The following CHRM3 variants were observed in gnomAD, a reference collection of about 807,000 sequenced individuals.
The protein encoded by CHRM3 is muscarinic acetylcholine receptor M3.
In CHRM3, 11 loss-of-function variants were observed where a neutral mutation model predicts 41.8. The ratio of observed to expected loss-of-function variants is 0.26; its 90% CI spans 0.17 to 0.44. The LOEUF (loss-of-function observed/expected upper bound fraction) is 0.44. CHRM3 is among the 20% of genes least tolerant of loss of function. CHRM3 has a pLI of 1.00. For synonymous variants in CHRM3, 297 were observed against 301.4 expected (o/e 0.99, Z 0.15); for missense variants, 571 against 745.4 (o/e 0.77, Z 2.72).
At chr1:239,861,513 T>C (rs1033868109) in intron 6 of CHRM3, among the ~76,000 whole-genome samples, 1 of 152,086 alleles carries the variant, frequency 6.6e-6, no homozygotes, top group African/African-American at 2.4e-5. Context: ...GCAAGAATGG[T>C]GCAGAGAAAG....
At chr1:239,876,379 C>T (rs372335174) in intron 6 of CHRM3, among the ~76,000 whole-genome samples, 8 of 152,060 alleles carry the variant, frequency 5.3e-5, no homozygotes, top group East Asian at 1.9e-4. Flanking sequence ...AGCAAAAGGG[C>T]GGATTGGTGA....
At chr1:239,747,239 AT>A in intron 5 of CHRM3, among the ~76,000 whole-genome samples, 1 of 152,348 alleles carries the variant, frequency 6.6e-6, no homozygotes, top group Non-Finnish European at 1.5e-5. Flanking sequence ...AATAAATATG[AT>A]TCATTACATA....
rs779365912 is a variant in CHRM3, at chr1:239,908,408, C to T, written c.957C>T (p.Ser319=). 6.2e-7 allele frequency: 1 copy of T among 1,614,070 alleles called. No homozygotes were observed. Among genetic ancestry groups the T allele is most frequent in the Non-Finnish European group, 8.5e-7 (1 of 1,180,042 alleles). ...GCCACTTCTGGTTCACAACCAAGAG[C>T]TGGAAACCCAGCTCCGAGCAGATGG... The part of the protein sequence containing the change: ...GRCHFWFTTK[S]WKPSSEQMDQ... Residue 319 remains serine (S), a synonymous_variant, in exon 7 of 7, where the codon AGC becomes AGT. Coordinates refer to ENST00000676153, the MANE Select transcript of CHRM3 (RefSeq NM_001375978.1). The surrounding 1 kb of genome is among the most constrained non-coding windows in gnomAD (Gnocchi z 7.2).
At chr1:239,864,546 G>GCACACACA (rs775904989) in intron 6 of CHRM3, among the ~76,000 whole-genome samples, 2 of 85,854 alleles carry the variant, frequency 2.3e-5, no homozygotes, top group East Asian at 7.0e-4. Context: ...ACACACACAC[G>GCACACACA]CACACACACA....
At chr1:239,796,445 A>T (rs1248770748) in intron 5 of CHRM3, among the ~76,000 whole-genome samples, 2 of 152,216 alleles carry the variant, frequency 1.3e-5, no homozygotes, top group Non-Finnish European at 2.9e-5. Context: ...GCCAACTATC[A>T]TTGGCATCGT....
At chr1:239,441,334 T>C (rs1663698568) in intron 1 of CHRM3, among the ~76,000 whole-genome samples, 1 of 152,228 alleles carries the variant, frequency 6.6e-6, no homozygotes, top group African/African-American at 2.4e-5. Flanking sequence ...TTCTGTGCCA[T>C]TCTAAGTAAG....
chr1:239,595,833 T>A (rs752141585), intron 3 of CHRM3, among the ~76,000 whole-genome samples: 6 of 152,214 alleles, frequency 3.9e-5, no homozygotes, highest in African/African-American at 7.2e-5. Context: ...TCCATTTTTT[T>A]ATTTTAGTAT....
chr1:239,457,752 A>G (rs1451514356), intron 1 of CHRM3, among the ~76,000 whole-genome samples: 3 of 152,212 alleles, frequency 2.0e-5, no homozygotes, highest in African/African-American at 4.8e-5. Flanking sequence ...GAAGTGATAC[A>G]TTTGTTACTT....
intron 2 of CHRM3, among the ~76,000 whole-genome samples, chr1:239,499,108 T>C (rs542637080): frequency 1.6e-4 from 25 of 152,262 alleles, no homozygotes; most frequent in South Asian, 4.1e-4. Flanking sequence ...AAGGTAGAAG[T>C]GCGTATTGGT....
At chr1:239,400,419 T>C (rs936953525) in intron 1 of CHRM3, among the ~76,000 whole-genome samples, 9 of 152,220 alleles carry the variant, frequency 5.9e-5, no homozygotes, top group African/African-American at 2.2e-4. Flanking sequence ...TTCACTTTGT[T>C]TATTTTTTCC....
intron 3 of CHRM3, among the ~76,000 whole-genome samples, chr1:239,559,629 A>T (rs1425094157): frequency 6.6e-6 from 1 of 152,180 alleles, no homozygotes; most frequent in Non-Finnish European, 1.5e-5. Flanking sequence ...CAAAACTAAG[A>T]CATTATTGTT....
intron 4 of CHRM3, among the ~76,000 whole-genome samples, chr1:239,669,543 T>C (rs1418562856): frequency 6.6e-6 from 1 of 152,134 alleles, no homozygotes; most frequent in Non-Finnish European, 1.5e-5. Context: ...TTTCCTCAAA[T>C]TTTTCAGGTC....
At chr1:239,726,128 CAAT>C (rs1379633455) in intron 5 of CHRM3, among the ~76,000 whole-genome samples, 1 of 151,926 alleles carries the variant, frequency 6.6e-6, no homozygotes, top group Non-Finnish European at 1.5e-5. Flanking sequence ...GTAATTCCAA[CAAT>C]GCCTTTGGAA....
intron 5 of CHRM3, among the ~76,000 whole-genome samples, chr1:239,768,651 G>A (rs566667227): frequency 1.3e-5 from 2 of 152,164 alleles, no homozygotes; most frequent in Non-Finnish European, 2.9e-5. Context: ...AGACGCTGTG[G>A]TGATTGCTCA....
intron 1 of CHRM3, among the ~76,000 whole-genome samples, chr1:239,390,533 T>A (rs1027649309): frequency 2.0e-5 from 3 of 152,044 alleles, no homozygotes; most frequent in African/African-American, 7.2e-5. Flanking sequence ...AAATCACTCA[T>A]CACTGCATTG....
intron 5 of CHRM3, among the ~76,000 whole-genome samples, chr1:239,771,411 G>T (rs149585184): frequency 6.6e-6 from 1 of 151,740 alleles, no homozygotes; most frequent in African/African-American, 2.4e-5. Flanking sequence ...CTGGATTCCC[G>T]CCAAAAAAGA....
At chr1:239,653,012 C>A (rs751084782) in intron 4 of CHRM3, among the ~76,000 whole-genome samples, 3 of 152,012 alleles carry the variant, frequency 2.0e-5, no homozygotes, top group Non-Finnish European at 4.4e-5. Flanking sequence ...ATCCCCTGGC[C>A]CTTGGACAGT....
At chr1:239,826,312 T>C (rs1344642682) in intron 5 of CHRM3, among the ~76,000 whole-genome samples, 2 of 152,208 alleles carry the variant, frequency 1.3e-5, no homozygotes, top group Non-Finnish European at 2.9e-5. Flanking sequence ...CATTTTGCGA[T>C]CTTATAGTTC....
chr1:239,837,373 C>T (rs1673414637), intron 6 of CHRM3, among the ~76,000 whole-genome samples: 2 of 152,270 alleles, frequency 1.3e-5, no homozygotes, highest in South Asian at 2.1e-4. Context: ...AACTTCTTGT[C>T]TCCAGATCTT....
Sources: gnomAD v4.1 joint callset for allele counts (sites outside exome capture counted in the v4.1 genomes callset) on GRCh38, gnomAD v4.1.1 for gene constraint, Gnocchi (gnomAD v3.1) non-coding constraint, MANE v1.5 for transcripts, NCBI Gene and HGNC (gene_info 2026-07-23, HGNC 2026-07-21) for gene names.